The following ATG7 variants were observed in gnomAD, a reference collection of about 807,000 sequenced individuals.
ATG7 encodes ubiquitin-like modifier-activating enzyme ATG7.
ATG7 carries 70 observed loss-of-function variants against 82.4 expected under a neutral mutation model. The ratio of observed to expected loss-of-function variants is 0.85; its 90% CI spans 0.70 to 1.04. The LOEUF is 1.04. ATG7 is among the 50% of genes least tolerant of loss of function. The probability of loss-of-function intolerance (pLI) is 0.00; values close to 1 mark genes in which losing one functional copy is unlikely to be tolerated. For synonymous variants in ATG7, 287 were observed against 313.0 expected, an observed-to-expected ratio of 0.92 and a Z score of 0.88; for missense variants, 792 against 864.3, an observed-to-expected ratio of 0.92 and a Z score of 1.05.
chr3:11,333,352 C>T (rs1451331803), intron 11 of ATG7, among the ~76,000 whole-genome samples: 1 of 152,110 alleles, frequency 6.6e-6, no homozygotes, highest in East Asian at 1.9e-4. Flanking sequence ...CTCTGCTCCC[C>T]CCGTTTTCAA....
intron 20 of ATG7, among the ~76,000 whole-genome samples, chr3:11,515,552 G>A (rs2092251136): frequency 6.6e-6 from 1 of 152,084 alleles, no homozygotes; most frequent in Admixed American, 6.6e-5. Flanking sequence ...GGGATTACAG[G>A]CAGGAACCAC....
At chr3:11,304,945 A>T (rs964316907) in intron 5 of ATG7, among the ~76,000 whole-genome samples, 2 of 152,154 alleles carry the variant, frequency 1.3e-5, no homozygotes, top group Admixed American at 6.5e-5. Context: ...TGCCATTACT[A>T]TTAATTCCAG....
At chr3:11,541,652 T>A (rs1325587567) in intron 20 of ATG7, among the ~76,000 whole-genome samples, 1 of 152,146 alleles carries the variant, frequency 6.6e-6, no homozygotes, top group Non-Finnish European at 1.5e-5. Context: ...AGTTGGTGTG[T>A]TTATATCCTG....
intron 20 of ATG7, among the ~76,000 whole-genome samples, chr3:11,469,429 A>G (rs1367923648): frequency 6.6e-6 from 1 of 151,942 alleles, no homozygotes; most frequent in African/African-American, 2.4e-5. Flanking sequence ...GGCCTGGGCA[A>G]CAAGAGCAAA....
chr3:11,378,278 A>C (rs2077584916), intron 18 of ATG7, among the ~76,000 whole-genome samples: 1 of 150,434 alleles, frequency 6.6e-6, no homozygotes, highest in Non-Finnish European at 1.5e-5. Flanking sequence ...CAGCCTCCCA[A>C]AGTGCTAGGA....
intron 9 of ATG7, among the ~76,000 whole-genome samples, chr3:11,323,989 T>C (rs1950536567): frequency 6.6e-6 from 1 of 152,244 alleles, no homozygotes; most frequent in Admixed American, 6.5e-5. Flanking sequence ...TTTTGCCCTC[T>C]TTTCTTTCTC....
chr3:11,337,490 A>G (rs2606743), intron 11 of ATG7, among the ~76,000 whole-genome samples: 1 of 137,378 alleles, frequency 7.3e-6, no homozygotes, highest in Non-Finnish European at 1.5e-5. Flanking sequence ...CTCTCTCTCT[A>G]TATATATATA....
chr3:11,430,796 A>C (rs1318996879), intron 20 of ATG7, among the ~76,000 whole-genome samples: 1 of 152,248 alleles, frequency 6.6e-6, no homozygotes, highest in Non-Finnish European at 1.5e-5. Context: ...CTGAGAGAGC[A>C]GTTACTTCTG....
chr3:11,293,530 C>CAA (rs34054325), intron 3 of ATG7, among the ~76,000 whole-genome samples: 6 of 57,290 alleles, frequency 1.0e-4, no homozygotes, highest in Non-Finnish European at 1.1e-4. Context: ...GACTCTGTCT[C>CAA]AAAAAAAAAA....
chr3:11,340,853 C>T (rs1450409364), intron 12 of ATG7, 118 bp downstream of exon 12: 6 of 795,768 alleles, frequency 7.5e-6, no homozygotes, highest in East Asian at 2.8e-5. Context: ...GTCATGCTGC[C>T]GTGTGTTACT....
In ATG7 at chr3:11,333,029, G is replaced by A; in HGVS notation, c.825G>A (p.Gly275=). 1 of 1,577,456 alleles carries A rather than the reference G, an allele frequency of 6.3e-7. No individual in the cohort carries two copies. Reference sequence around the variant, plus strand: ...GCTTCCGTGACCGTACCATGCAGGGGGCGAGAGACGTTGCCCACAGCATCA... The same window carrying A: ...GCTTCCGTGACCGTACCATGCAGGGAGCGAGAGACGTTGCCCACAGCATCA... The part of the protein sequence containing the change: ...VVCFRDRTMQ[G]ARDVAHSIIF... Residue 275 remains glycine, a synonymous_variant, in exon 11 of 21, where the codon GGG becomes GGA. Transcript: ENST00000693202.
chr3:11,407,192 G>T (rs749152169), intron 19 of ATG7, among the ~76,000 whole-genome samples: 1 of 152,174 alleles, frequency 6.6e-6, no homozygotes, highest in Admixed American at 6.5e-5. Flanking sequence ...AAGGAGCTCA[G>T]GCTCCATACA....
rs111770158 is a variant in ATG7 at position 11,311,486 on chromosome 3, C to T, written c.412-1818C>T. ...AGCTGTGCATGGCAGCCTGTAGTCC[C>T]AACTACTCGGGAGGCTGAGGCAGAA... On this transcript the variant is annotated intron_variant, in intron 7 of 20. Transcript: ENST00000693202. Among the ~76,000 whole-genome samples, 1,068 of 151,640 alleles carry T rather than the reference C, an allele frequency of 7.0e-3. 9 individuals are homozygous for T. The highest frequency in any genetic ancestry group is 0.025 in the African/African-American group (1,017 of 41,270).
intron 20 of ATG7, among the ~76,000 whole-genome samples, chr3:11,488,867 T>C (rs1046553053): frequency 6.6e-6 from 1 of 152,182 alleles, no homozygotes; most frequent in African/African-American, 2.4e-5. Context: ...AAATTCTCTT[T>C]TTTGGTTGTG....
intron 20 of ATG7, among the ~76,000 whole-genome samples, chr3:11,518,357 C>T (rs895699361): frequency 6.6e-5 from 10 of 152,030 alleles, no homozygotes; most frequent in African/African-American, 2.4e-4. Context: ...ACCAGCTTGG[C>T]CAACAATGGT....
chr3:11,499,695 C>G (rs1170752206), intron 20 of ATG7, among the ~76,000 whole-genome samples: 1 of 145,092 alleles, frequency 6.9e-6, no homozygotes, highest in Non-Finnish European at 1.5e-5. Flanking sequence ...TGCAGTGAGC[C>G]AAGATCATGC....
chr3:11,502,397 C>T (rs1181551537), intron 20 of ATG7, among the ~76,000 whole-genome samples: 1 of 122,558 alleles, frequency 8.2e-6, no homozygotes, highest in Non-Finnish European at 1.7e-5. Flanking sequence ...ACAACAGTCC[C>T]CAGAGTGTGA....
chr3:11,303,721 A>G (rs1262854203), intron 5 of ATG7, among the ~76,000 whole-genome samples: 3 of 151,270 alleles, frequency 2.0e-5, no homozygotes, highest in Non-Finnish European at 1.5e-5. Flanking sequence ...TCAACATTTG[A>G]ATGAAGAACA....
intron 19 of ATG7, among the ~76,000 whole-genome samples, chr3:11,407,916 G>T (rs374220585): frequency 5.9e-5 from 9 of 152,312 alleles, no homozygotes; most frequent in East Asian, 3.9e-4. Flanking sequence ...TCTCTGACAT[G>T]CCCTGGAGGC....
Sources: allele counts gnomAD v4.1 joint callset (sites outside exome capture counted in the v4.1 genomes callset), GRCh38; gene constraint gnomAD v4.1.1; transcripts MANE v1.5; gene names NCBI Gene and HGNC (gene_info 2026-07-23, HGNC 2026-07-21).